The following DNAH14 variants were observed in gnomAD, a reference collection of about 807,000 sequenced individuals.
DNAH14 encodes dynein axonemal heavy chain 14, also known as axonemal beta dynein heavy chain 14.
In DNAH14, 478 loss-of-function variants were observed where a neutral mutation model predicts 520.9. The observed-to-expected ratio is 0.92, with a 90% confidence interval of 0.85 to 0.99. The LOEUF (loss-of-function observed/expected upper bound fraction) is 0.99. DNAH14 is among the 50% of genes least tolerant of loss of function. DNAH14 has a pLI of 0.00. For synonymous variants in DNAH14, 1,581 were observed against 1,757.2 expected (o/e 0.90, Z 2.51); for missense variants, 4,831 against 5,234.5 (o/e 0.92, Z 2.38).
chr1:225,169,214 C>G (rs1397009694), intron 36 of DNAH14, among the ~76,000 whole-genome samples: 2 of 152,170 alleles, frequency 1.3e-5, no homozygotes, highest in Non-Finnish European at 2.9e-5. Context: ...AGAAGAAAAA[C>G]TGAAAATTCT....
At chr1:225,072,669 G>A (rs2071688343) in intron 17 of DNAH14, among the ~76,000 whole-genome samples, 2 of 152,190 alleles carry the variant, frequency 1.3e-5, no homozygotes, top group East Asian at 1.9e-4. Context: ...TCTCATCTTT[G>A]TGTGCTTATC....
intron 8 of DNAH14, among the ~76,000 whole-genome samples, chr1:224,996,790 A>G (rs966573658): frequency 6.6e-6 from 1 of 152,170 alleles, no homozygotes; most frequent in African/African-American, 2.4e-5. Context: ...GGAGGGGACC[A>G]GCTGATATGC....
At chr1:225,049,977 A>G (rs1397948564) in intron 15 of DNAH14, among the ~76,000 whole-genome samples, 2 of 152,162 alleles carry the variant, frequency 1.3e-5, no homozygotes, top group East Asian at 1.9e-4. Context: ...TTATGTTTCA[A>G]TCATGCCTCC....
At chr1:225,172,174 C>G (rs930604178) in intron 36 of DNAH14, among the ~76,000 whole-genome samples, 1 of 152,102 alleles carries the variant, frequency 6.6e-6, no homozygotes, top group Admixed American at 6.5e-5. Context: ...TGGACAAAAC[C>G]TGGAAGCATT....
At chr1:225,140,071 C>T (rs967299190) in intron 27 of DNAH14, among the ~76,000 whole-genome samples, 10 of 152,170 alleles carry the variant, frequency 6.6e-5, no homozygotes, top group Non-Finnish European at 7.3e-5. Context: ...CTAATTATTC[C>T]CACATTCATA....
At position 225,392,322 on chromosome 1, in the gene DNAH14, G is replaced by A. The variant is rs1367993789; in HGVS notation, c.13362G>A (p.Gly4454=). 1 of 1,552,378 alleles carries A rather than the reference G, an allele frequency of 6.4e-7. No homozygotes were observed. Among genetic ancestry groups the A allele is most frequent in the Admixed American group, 2.0e-5 (1 of 51,014 alleles). ...TTGCTGCTGTGCTTCAAGACTATGG[G>A]AGGTCCCGAGGAATCGCTGTGGATG... The part of the protein sequence containing the change: ...AFLAAVLQDY[G]RSRGIAVDAL... The change falls in exon 84 of 86, where the codon GGG becomes GGA. Residue 4454 remains glycine, a synonymous_variant. Coordinates refer to ENST00000682510, the MANE Select transcript of DNAH14 (RefSeq NM_001367479.1).
At chr1:225,399,023 T>C (rs1263232642) in intron 85 of DNAH14, 31 bp from the exon 86 acceptor site, 1 of 1,466,512 alleles carries the variant, frequency 6.8e-7, no homozygotes. Flanking sequence ...AACTATGCAA[T>C]TTGACTACTG....
chr1:224,998,893 C>G (rs192889267), intron 8 of DNAH14, among the ~76,000 whole-genome samples: 6 of 152,020 alleles, frequency 3.9e-5, no homozygotes, highest in Admixed American at 3.3e-4. Flanking sequence ...GTCTCTTTTT[C>G]CTTTCAGTTC....
intron 27 of DNAH14, among the ~76,000 whole-genome samples, chr1:225,136,073 G>A (rs1280328483): frequency 6.6e-6 from 1 of 152,016 alleles, no homozygotes; most frequent in Non-Finnish European, 1.5e-5. Flanking sequence ...GGGCTCTTGA[G>A]GACAGTATAC....
At chr1:224,983,161 T>C (rs1454780116) in intron 8 of DNAH14, among the ~76,000 whole-genome samples, 1 of 152,170 alleles carries the variant, frequency 6.6e-6, no homozygotes, top group Non-Finnish European at 1.5e-5. Flanking sequence ...ATGTTTATGA[T>C]TGTGATATTT....
intron 1 of DNAH14, among the ~76,000 whole-genome samples, chr1:224,939,812 A>G (rs1384472182): frequency 6.6e-6 from 1 of 152,230 alleles, no homozygotes; most frequent in African/African-American, 2.4e-5. Flanking sequence ...GGTTTGGCTC[A>G]GTGTCCCCAC....
intron 41 of DNAH14, among the ~76,000 whole-genome samples, chr1:225,212,590 T>A (rs541750693): frequency 1.3e-5 from 2 of 152,312 alleles, no homozygotes; most frequent in East Asian, 3.9e-4. Context: ...TTTTTAATGA[T>A]CACCATTCTA....
chr1:225,066,587 T>C (rs1227105938), intron 17 of DNAH14, among the ~76,000 whole-genome samples: 1 of 152,094 alleles, frequency 6.6e-6, no homozygotes. Context: ...GAAATTTTGG[T>C]GCACCTGTCA....
intron 11 of DNAH14, among the ~76,000 whole-genome samples, chr1:225,033,440 C>T (rs188608084): frequency 1.3e-5 from 2 of 152,038 alleles, no homozygotes; most frequent in East Asian, 3.9e-4. Context: ...GGTCTATGTG[C>T]CTGTTTTTGC....
chr1:225,241,243 G>A (rs1376565811), intron 43 of DNAH14, among the ~76,000 whole-genome samples: 1 of 151,626 alleles, frequency 6.6e-6, no homozygotes, highest in African/African-American at 2.4e-5. Context: ...TTTTTGAATC[G>A]GTTCTAACAA....
At chr1:225,180,543 C>T (rs2083862192) in intron 36 of DNAH14, among the ~76,000 whole-genome samples, 1 of 152,108 alleles carries the variant, frequency 6.6e-6, no homozygotes, top group African/African-American at 2.4e-5. Flanking sequence ...GAGAGATGGG[C>T]AAGATGCCAG....
chr1:225,246,133 A>T (rs891432273), intron 43 of DNAH14, among the ~76,000 whole-genome samples: 49 of 150,024 alleles, frequency 3.3e-4, no homozygotes, highest in African/African-American at 1.2e-3. Flanking sequence ...AAGGATAAGG[A>T]TTCCCTATTT....
chr1:225,349,714 G>GATA (rs1217264762), intron 71 of DNAH14, among the ~76,000 whole-genome samples: 1 of 152,112 alleles, frequency 6.6e-6, no homozygotes, highest in Non-Finnish European at 1.5e-5. Flanking sequence ...ACAGACATGA[G>GATA]ATAATGATAA....
rs2095458542 is a variant in DNAH14, at chr1:225,358,669, T to C, written c.11776+17T>C. ...AAACTCATGGTAAGCTATTTGTGAA[T>C]AGTTAAGATGATCGATATGGTTTGG... is the stretch of plus-strand genomic sequence containing the variant. On this transcript the variant is annotated intron_variant, in intron 74 of 85. Coordinates refer to ENST00000682510, the MANE Select transcript of DNAH14 (RefSeq NM_001367479.1). The C allele has an allele frequency of 1.3e-6, 2 of 1,543,284 alleles. No individual in the cohort carries two copies. The highest frequency in any genetic ancestry group is 8.7e-7 in the Non-Finnish European group (1 of 1,144,620).
Sources: gnomAD v4.1 joint callset for allele counts (sites outside exome capture counted in the v4.1 genomes callset) on GRCh38, gnomAD v4.1.1 for gene constraint, MANE v1.5 for transcripts, NCBI Gene and HGNC (gene_info 2026-07-23, HGNC 2026-07-21) for gene names.